Variants in PACRGL observed in about 807,000 individuals in gnomAD.
PACRGL encodes parkin coregulated like.
PACRGL carries 38 observed loss-of-function variants against 34.5 expected under a neutral mutation model. That is an observed-to-expected ratio of 1.10 (90% CI 0.85 to 1.44). The LOEUF (loss-of-function observed/expected upper bound fraction) is 1.44. Among genes scored for constraint, PACRGL ranks in the 40% most tolerant of loss-of-function variants. The pLI is 0.00. For missense variants in PACRGL, 305 were observed against 281.4 expected, an observed-to-expected ratio of 1.08 and a Z score of -0.60; for synonymous variants, 128 against 100.1, an observed-to-expected ratio of 1.28 and a Z score of -1.66.
At chr4:20,743,596 T>G (rs1462011204) in intron 8 of PACRGL, among the ~76,000 whole-genome samples, 2 of 152,158 alleles carry the variant, frequency 1.3e-5, no homozygotes, top group African/African-American at 4.8e-5. Flanking sequence ...GATCCCTTCC[T>G]TACACTTTAT....
In PACRGL at chr4:20,748,560, TTATATATATATATA is replaced by T. The variant is rs3075750; in HGVS notation, c.*57-3973_*57-3960del. ...CAAAAATAAATGCACCTTCCAAATT[TTATATATATATATA>T]TATATATATATATATATATATATAT... On this transcript the variant is annotated intron_variant, in intron 8 of 8. Transcript: ENST00000507634. 4.5e-3 allele frequency among the ~76,000 whole-genome samples: 291 copies of T among 64,894 alleles called. 1 individual carries two copies. Among genetic ancestry groups the T allele is most frequent in the Middle Eastern group, 0.018 (2 of 114 alleles). The allele number at this position is 64,894 out of a possible 152,430, so 42.6% of individuals were successfully genotyped here.
At chr4:20,711,317 A>C (rs1353102884) in intron 5 of PACRGL, among the ~76,000 whole-genome samples, 1 of 152,184 alleles carries the variant, frequency 6.6e-6, no homozygotes, top group Non-Finnish European at 1.5e-5. Flanking sequence ...CCAAATGTCA[A>C]TGCTTTTCTT....
chr4:20,761,788 T>C, the PACRGL span, among the ~76,000 whole-genome samples: 2 of 152,164 alleles, frequency 1.3e-5, no homozygotes, highest in Admixed American at 6.5e-5. Flanking sequence ...CACATATCTG[T>C]GTCAGAGGAA....
At chr4:20,698,652 T>C (rs1731360293), upstream of PACRGL, among the ~76,000 whole-genome samples, 1 of 152,200 alleles carries the variant, frequency 6.6e-6, no homozygotes, top group African/African-American at 2.4e-5. Flanking sequence ...TCTGTTCATT[T>C]TCTAAAATGA....
upstream of PACRGL, among the ~76,000 whole-genome samples, chr4:20,697,149 C>T (rs1195183164): frequency 2.0e-5 from 3 of 152,266 alleles, no homozygotes; most frequent in Middle Eastern, 3.4e-3. Context: ...CATGTGCAAG[C>T]GGACACTCAA....
intron 1 of PACRGL, among the ~76,000 whole-genome samples, chr4:20,702,971 A>G (rs1010576826): frequency 2.6e-5 from 4 of 152,214 alleles, no homozygotes; most frequent in South Asian, 2.1e-4. Context: ...CATTTAGGTT[A>G]TCTTTACATG....
chr4:20,709,813 C>G (rs1239806572), intron 5 of PACRGL, 40 bp downstream of exon 5: 1 of 1,482,944 alleles, frequency 6.7e-7, no homozygotes, highest in Non-Finnish European at 9.4e-7. Context: ...AGAAAATAAA[C>G]ATTAAAAATT....
intron 8 of PACRGL, among the ~76,000 whole-genome samples, chr4:20,749,991 G>A (rs1753297391): frequency 6.6e-6 from 1 of 152,214 alleles, no homozygotes; most frequent in Admixed American, 6.5e-5. Context: ...CTTGGGTGAT[G>A]AGATTAACAC....
intron 7 of PACRGL, among the ~76,000 whole-genome samples, chr4:20,719,902 G>A (rs1466642006): frequency 9.2e-5 from 14 of 152,046 alleles, no homozygotes; most frequent in South Asian, 4.2e-4. Context: ...TTTCTGTCTC[G>A]TTGATCTGTC....
intron 8 of PACRGL, among the ~76,000 whole-genome samples, chr4:20,751,167 T>C (rs938304997): frequency 6.6e-6 from 1 of 152,204 alleles, no homozygotes; most frequent in Non-Finnish European, 1.5e-5. Context: ...CTCTCACCTT[T>C]TTAATATGCT....
At chr4:20,720,157 CT>C (rs919917105) in intron 7 of PACRGL, among the ~76,000 whole-genome samples, 4 of 151,836 alleles carry the variant, frequency 2.6e-5, no homozygotes, top group African/African-American at 4.8e-5. Context: ...CAACTTCTGC[CT>C]TTTTTTTGTT....
downstream of PACRGL, chr4:20,732,739 C>T (rs776716411): frequency 6.2e-7 from 1 of 1,612,624 alleles, no homozygotes; most frequent in Admixed American, 1.7e-5. Flanking sequence ...AGGATATGTA[C>T]ATTTACCCAT....
At chr4:20,739,173 C>A (rs940044126) in intron 8 of PACRGL, among the ~76,000 whole-genome samples, 1 of 152,218 alleles carries the variant, frequency 6.6e-6, no homozygotes, top group African/African-American at 2.4e-5. Context: ...CATAGCTGAA[C>A]AAAAGGCAGC....
At chr4:20,722,556 G>A (rs993939711) in intron 7 of PACRGL, among the ~76,000 whole-genome samples, 1 of 152,212 alleles carries the variant, frequency 6.6e-6, no homozygotes, top group Non-Finnish European at 1.5e-5. Context: ...GCTCATGTGA[G>A]CCTTAGTGTC....
intron 4 of PACRGL, 143 bp from the exon 5 acceptor site, chr4:20,709,540 A>G: frequency 2.0e-6 from 1 of 509,096 alleles, no homozygotes; most frequent in Non-Finnish European, 3.4e-6. Context: ...ACTTTGTAAA[A>G]TGTCCTTGTA....
the PACRGL span, chr4:20,758,789 T>C: frequency 5.9e-6 from 9 of 1,525,998 alleles, no homozygotes; most frequent in South Asian, 1.1e-5. Flanking sequence ...GTAACTCTGA[T>C]AGTATGTTAA....
chr4:20,726,821 C>G (rs1745878588), intron 8 of PACRGL, among the ~76,000 whole-genome samples: 1 of 152,172 alleles, frequency 6.6e-6, no homozygotes, highest in East Asian at 1.9e-4. Context: ...GTGAAATGCA[C>G]ATTTATTTTG....
At chr4:20,704,913 A>G (rs2149048706) in intron 3 of PACRGL, 99 bp downstream of exon 3, 3 of 1,351,942 alleles carry the variant, frequency 2.2e-6, no homozygotes, top group African/African-American at 1.5e-5. Flanking sequence ...TCCCTTTGCT[A>G]GTTTTGAGCT....
rs1553881372 is a variant in PACRGL at position 20,729,350 on chromosome 4, C to CTGTAAGAAAGAT, written c.*2012_*2023dup. 1 of 152,078 alleles carries CTGTAAGAAAGAT rather than the reference C, an allele frequency of 6.6e-6. No homozygotes were observed. Among genetic ancestry groups the CTGTAAGAAAGAT allele is most frequent in the Non-Finnish European group, 1.5e-5 (1 of 67,962 alleles). 9.4% of individuals were successfully genotyped at this position (152,078 alleles called of 1,614,324 possible). On this transcript the variant is annotated 3_prime_UTR_variant, in exon 9 of 9. Coordinates refer to ENST00000503585, the MANE Select transcript of PACRGL (RefSeq NM_001258345.3). ...AATGATTGATACAATAGAAAACAGC[C>CTGTAAGAAAGAT]TGTAAGAAAGATTGAACAAATCCAA...
Sources: allele counts gnomAD v4.1 joint callset (sites outside exome capture counted in the v4.1 genomes callset), GRCh38; gene constraint gnomAD v4.1.1; transcripts MANE v1.5; gene names NCBI Gene and HGNC (gene_info 2026-07-23, HGNC 2026-07-21).